The following SLC39A12 variants were observed in gnomAD, a reference collection of about 807,000 sequenced individuals.
SLC39A12 encodes zinc transporter ZIP12.
A neutral mutation model predicts 71.1 loss-of-function variants in SLC39A12; 63 were observed. The ratio of observed to expected loss-of-function variants is 0.89; its 90% CI spans 0.72 to 1.09. The LOEUF (loss-of-function observed/expected upper bound fraction) is 1.09. SLC39A12 is among the 50% of genes least tolerant of loss of function. The pLI is 0.00. For missense variants in SLC39A12, 892 were observed against 812.6 expected, an observed-to-expected ratio of 1.10 and a Z score of -1.19; for synonymous variants, 351 against 301.3, an observed-to-expected ratio of 1.16 and a Z score of -1.71.
intron 12 of SLC39A12, among the ~76,000 whole-genome samples, chr10:18,027,225 T>C (rs1443317066): frequency 1.3e-5 from 2 of 152,340 alleles, no homozygotes; most frequent in East Asian, 3.9e-4. Context: ...CCTTGGACTA[T>C]GAACTTCATC....
chr10:17,977,853 C>A (rs200541390), intron 4 of SLC39A12, 49 bp from the exon 5 acceptor site: 11 of 1,370,690 alleles, frequency 8.0e-6, no homozygotes, highest in Middle Eastern at 2.0e-4. Flanking sequence ...TGTGACTATT[C>A]GGAACTTATC....
chr10:17,996,707 C>T (rs1835691451), intron 10 of SLC39A12, among the ~76,000 whole-genome samples: 2 of 152,140 alleles, frequency 1.3e-5, no homozygotes, highest in African/African-American at 4.8e-5. Flanking sequence ...TAAAGAAATG[C>T]TAATGCACCG....
chr10:18,029,353 A>G (rs1487498709), intron 12 of SLC39A12, among the ~76,000 whole-genome samples: 1 of 152,182 alleles, frequency 6.6e-6, no homozygotes, highest in African/African-American at 2.4e-5. Flanking sequence ...TTCACACTTG[A>G]AAAAAGAACT....
chr10:17,971,694 T>C (rs1482915851), intron 4 of SLC39A12, among the ~76,000 whole-genome samples: 1 of 152,174 alleles, frequency 6.6e-6, no homozygotes, highest in Non-Finnish European at 1.5e-5. Context: ...TCTTTTTTCA[T>C]TTCTGATTTT....
Position 17,976,672 on chromosome 10 carries a change from G to A in SLC39A12, c.752-1230G>A, listed in dbSNP as rs186874061. Among the ~76,000 whole-genome samples the A allele has an allele frequency of 1.1e-3, 164 of 152,180 alleles. 1 individual carries two copies. The highest frequency in any genetic ancestry group is 1.8e-3 in the Admixed American group (27 of 15,282). On this transcript the variant is annotated intron_variant, in intron 4 of 12. Transcript: ENST00000377369. ...ACTCCTGACCTCAGGTGATCCACCC[G>A]CCTTGGCCTCCCAAAGAGCTGGAAT...
Position 17,965,620 on chromosome 10 carries a change from GCCTTC to G in SLC39A12, c.684_688del (p.Ser229ArgfsTer39), listed in dbSNP as rs1306614882. On this transcript the variant is annotated frameshift_variant, in exon 4 of 13. Coordinates refer to ENST00000377369, the MANE Select transcript of SLC39A12 (RefSeq NM_001145195.2). LOFTEE classifies it high-confidence loss of function. ...GTGTTTGTCTGGGACAAGGAAACTT[GCCTTC>G]CCCAGACTACTTTACAGAATATATT... 19 of 1,614,048 alleles carry G rather than the reference GCCTTC, an allele frequency of 1.2e-5. No individual in the cohort carries two copies. The highest frequency in any genetic ancestry group is 1.5e-5 in the Non-Finnish European group (18 of 1,180,024).
intron 10 of SLC39A12, among the ~76,000 whole-genome samples, chr10:17,997,160 A>G (rs934385647): frequency 1.3e-5 from 2 of 152,238 alleles, no homozygotes; most frequent in African/African-American, 2.4e-5. Context: ...ATGTTTGAAG[A>G]CATGTCCTGC....
intron 9 of SLC39A12, among the ~76,000 whole-genome samples, chr10:17,995,109 A>G (rs1424563085): frequency 6.6e-6 from 1 of 152,240 alleles, no homozygotes; most frequent in East Asian, 1.9e-4. Context: ...GTTGTCTTTT[A>G]TAAGTGGGTG....
At chr10:17,984,702 A>G (rs532735869) in intron 6 of SLC39A12, among the ~76,000 whole-genome samples, 1 of 152,228 alleles carries the variant, frequency 6.6e-6, no homozygotes, top group Admixed American at 6.5e-5. Context: ...TGAACAATAC[A>G]CATGAAATAC....
chr10:17,987,764 C>T (rs1186745567), intron 7 of SLC39A12, 113 bp downstream of exon 7: 1 of 1,105,152 alleles, frequency 9.0e-7, no homozygotes, highest in East Asian at 2.4e-5. Context: ...AGTATCGTGG[C>T]TGGTGTTTTC....
chr10:17,990,461 A>G (rs1000572216), intron 7 of SLC39A12, among the ~76,000 whole-genome samples: 1 of 152,176 alleles, frequency 6.6e-6, no homozygotes, highest in African/African-American at 2.4e-5. Flanking sequence ...GAGCTACTTC[A>G]TAAATTGCCT....
At position 17,978,031 on chromosome 10, in the gene SLC39A12, C is replaced by T. The variant is rs775807477; in HGVS notation, c.881C>T (p.Ser294Phe). The T allele has an allele frequency of 5.9e-5, 94 of 1,603,566 alleles. No individual in the cohort carries two copies. Among genetic ancestry groups the T allele is most frequent in the Non-Finnish European group, 7.7e-5 (90 of 1,176,310 alleles). Residue 294 changes from serine (S) to phenylalanine (F), a missense_variant, in exon 5 of 13, where the codon TCC (serine) becomes TTC (phenylalanine). By Grantham distance (155) the Ser-to-Phe change is radical. Transcript: ENST00000377369. ...CAGGACTATTCTAATTTCTCTTCAT[C>T]CATGGAAAAAGAGTCTGAGGATGGT... The part of the protein sequence containing the change: ...HDQDYSNFSS[S>F]MEKESEDGPV...
chr10:18,036,938 C>A (rs1010286526), intron 12 of SLC39A12, among the ~76,000 whole-genome samples: 5 of 151,468 alleles, frequency 3.3e-5, no homozygotes, highest in Non-Finnish European at 5.9e-5. Flanking sequence ...AGGCACCCGC[C>A]ACCATGCCTG....
At chr10:18,036,121 C>A (rs893588878) in intron 12 of SLC39A12, among the ~76,000 whole-genome samples, 10 of 151,906 alleles carry the variant, frequency 6.6e-5, no homozygotes, top group Admixed American at 2.6e-4. Context: ...GCCCTGCCCC[C>A]AGAGGTGGAG....
At chr10:18,000,639 CT>C (rs1490372788) in intron 10 of SLC39A12, 27 bp from the exon 11 acceptor site, 3 of 1,612,278 alleles carry the variant, frequency 1.9e-6, no homozygotes, top group Non-Finnish European at 2.5e-6. Context: ...TCTGTTAATG[CT>C]TCTTCTGTGT....
At chr10:17,990,129 T>A (rs1027788287) in intron 7 of SLC39A12, among the ~76,000 whole-genome samples, 2 of 152,182 alleles carry the variant, frequency 1.3e-5, no homozygotes, top group Admixed American at 6.5e-5. Flanking sequence ...GGGTTTTTCT[T>A]CTGTTTTGTT....
chr10:17,983,443 A>G (rs1437381649), intron 6 of SLC39A12, among the ~76,000 whole-genome samples: 2 of 151,902 alleles, frequency 1.3e-5, no homozygotes, highest in Non-Finnish European at 2.9e-5. Flanking sequence ...AGCTATGACA[A>G]TGCCATTGCA....
chr10:17,961,950 T>C, intron 3 of SLC39A12, 88 bp downstream of exon 3: 1 of 1,344,298 alleles, frequency 7.4e-7, no homozygotes. Flanking sequence ...TCTAAGACAT[T>C]CAAGGACTTC....
chr10:17,961,935 T>G, intron 3 of SLC39A12, 73 bp downstream of exon 3: 2 of 1,460,318 alleles, frequency 1.4e-6, no homozygotes, highest in South Asian at 1.4e-5. Flanking sequence ...TGTTCCTTAT[T>G]TATTTCTAAG....
Sources: gnomAD v4.1 joint callset for allele counts (sites outside exome capture counted in the v4.1 genomes callset) on GRCh38, gnomAD v4.1.1 for gene constraint, MANE v1.5 for transcripts, NCBI Gene and HGNC (gene_info 2026-07-23, HGNC 2026-07-21) for gene names.